Variants in ADI1 observed in about 807,000 individuals in gnomAD.
ADI1 encodes the protein acireductone dioxygenase 1, also known as acireductone dioxygenase.
A neutral mutation model predicts 18.7 loss-of-function variants in ADI1; 21 were observed. The ratio of observed to expected loss-of-function variants is 1.13; its 90% confidence interval spans 0.80 to 1.62. The LOEUF (loss-of-function observed/expected upper bound fraction) is 1.62. Ranked by LOEUF, ADI1 falls within the 40% of genes most tolerant of loss-of-function variation. The pLI is 0.00. For synonymous variants in ADI1, 90 were observed against 100.1 expected (o/e 0.90, Z 0.60); for missense variants, 245 against 254.9 (o/e 0.96, Z 0.26).
Position 3,499,049 on chromosome 2 carries a change from C to A in ADI1, c.454G>T (p.Glu152Ter). The change falls in exon 4 of 4, where the codon GAA (glutamate) becomes TAA (stop). Residue 152 changes from glutamate to a stop codon, truncating the protein, a stop_gained. Coordinates refer to ENST00000327435, the MANE Select transcript of ADI1 (RefSeq NM_018269.4). LOFTEE classifies it low-confidence loss of function (END_TRUNC). ...CGGTTGTACGCTGTCCACACCGGTT[C>A]TCCCACAAACAGCCGCATGGCCTTC... ...YTKAMRLFVGEPVWTAYNRPA... is the reference protein window; with the variant it reads ...YTKAMRLFVG The A allele has an allele frequency of 6.2e-7, 1 of 1,614,142 alleles. No individual in the cohort carries two copies. The highest frequency in any genetic ancestry group is 8.5e-7 in the Non-Finnish European group (1 of 1,179,948).
Position 3,503,290 on chromosome 2 carries a change from CAT to C in ADI1, c.241-2299_241-2298del, listed in dbSNP as rs941606130. ...ACACTCACTCATGTGCATTCACACA[CAT>C]GCACACATACACACTGACACGCACA... On this transcript the variant is annotated intron_variant, in intron 2 of 3. Coordinates refer to ENST00000327435, the MANE Select transcript of ADI1 (RefSeq NM_018269.4). Among the ~76,000 whole-genome samples the C allele has an allele frequency of 3.7e-5, 5 of 136,832 alleles. 1 individual carries two copies. The highest frequency in any genetic ancestry group is 7.5e-5 in the Non-Finnish European group (5 of 66,292). 89.8% of individuals were successfully genotyped at this position (136,832 alleles called of 152,430 possible). A position where few individuals can be genotyped will look rare whatever the true frequency, so the allele number is the denominator to read the frequency against.
chr2:3,517,841 C>CA (rs749571217), intron 1 of ADI1: 3 of 152,008 alleles, frequency 2.0e-5, no homozygotes, highest in African/African-American at 4.8e-5. Context: ...AGCCCTGACT[C>CA]AGAGCAGAAC....
chr2:3,498,999 G>T lies in ADI1; in HGVS notation c.504C>A (p.Arg168=). 1.2e-6 allele frequency: 2 copies of T among 1,613,912 alleles called. No homozygotes were observed. Among genetic ancestry groups the T allele is most frequent in the Non-Finnish European group, 1.7e-6 (2 of 1,179,822 alleles). ...YNRPADHFEA[R]GQYVKFLAQT... ...GTGCCAGAAATTTCACGTACTGCCC[G>T]CGGGCTTCAAAATGGTCAGCGGGCC... The change falls in exon 4 of 4, where the codon CGC becomes CGA. Residue 168 remains arginine (R), a synonymous_variant. Coordinates refer to ENST00000327435, the MANE Select transcript of ADI1 (RefSeq NM_018269.4).
At chr2:3,504,870 T>TATTGTCGGTTCACCTGCGTATGTTTGC (rs1667139659) in intron 2 of ADI1, among the ~76,000 whole-genome samples, 2 of 152,096 alleles carry the variant, frequency 1.3e-5, no homozygotes, top group Non-Finnish European at 2.9e-5. Context: ...CGTATGTTTG[T>TATTGTCGGTTCACCTGCGTATGTTTGC]ATTGTCGGTT....
rs1377685626 is a variant in ADI1 at position 3,498,130 on chromosome 2, T to TA, written c.*832dup. Reference sequence around the variant, plus strand: ...CTAACATGAAGATTTTTCATCCAGTTAAAAAAAGAAATACTTTAAAAACGA... The same window carrying TA: ...CTAACATGAAGATTTTTCATCCAGTTAAAAAAAAGAAATACTTTAAAAACGA... On this transcript the variant is annotated 3_prime_UTR_variant, in exon 4 of 4. Transcript: ENST00000327435. 1 of 152,122 alleles carries TA rather than the reference T, an allele frequency of 6.6e-6. No homozygotes were observed. The highest frequency in any genetic ancestry group is 1.5e-5 in the Non-Finnish European group (1 of 68,024). The allele number at this position is 152,122 out of a possible 1,614,324, so 9.4% of individuals were successfully genotyped here.
At chr2:3,512,965 C>A (rs1667322750) in intron 2 of ADI1, among the ~76,000 whole-genome samples, 2 of 152,242 alleles carry the variant, frequency 1.3e-5, no homozygotes. Flanking sequence ...GGAGCCCATT[C>A]CTTGCACCAG....
At chr2:3,517,837 G>C (rs1667443189) in intron 1 of ADI1, 1 of 152,064 alleles carries the variant, frequency 6.6e-6, no homozygotes, top group Admixed American at 6.5e-5. Context: ...TGATAGCCCT[G>C]ACTCAGAGCA....
intron 1 of ADI1, chr2:3,515,898 T>C (rs1667398861): frequency 5.1e-6 from 5 of 985,384 alleles, no homozygotes; most frequent in Middle Eastern, 5.2e-4. Context: ...GTTCCCCCGA[T>C]ACTCCAGAAC....
chr2:3,515,018 T>G lies in ADI1; in HGVS notation c.121-1042A>C, dbSNP rs1286203257. 5.5e-6 allele frequency: 4 copies of G among 733,104 alleles called. No individual in the cohort carries two copies. The Admixed American group carries it at 1.4e-4, about 25-fold the overall frequency. The allele number at this position is 733,104 out of a possible 1,614,324, so 45.4% of individuals were successfully genotyped here. ...GTATGTCACCTCAGGACCACTGTGA[T>G]AATTGTGTTAACTGTACAAATTGAT... On this transcript the variant is annotated intron_variant, in intron 1 of 3. Coordinates refer to ENST00000327435, the MANE Select transcript of ADI1 (RefSeq NM_018269.4).
At chr2:3,514,948 C>T (rs1014985124) in intron 1 of ADI1, 32 of 1,466,748 alleles carry the variant, frequency 2.2e-5, no homozygotes, top group Middle Eastern at 2.5e-4. Context: ...ATTTATTATG[C>T]CTGTCTTTAA....
intron 1 of ADI1, chr2:3,516,838 A>C: frequency 1.0e-6 from 1 of 985,324 alleles, no homozygotes; most frequent in Non-Finnish European, 1.2e-6. Context: ...ACATGTCCAC[A>C]TGTGTTACCT....
Position 3,503,458 on chromosome 2 carries a change from TAC to T in ADI1, c.241-2467_241-2466del, listed in dbSNP as rs1161966998. On this transcript the variant is annotated intron_variant, in intron 2 of 3. Transcript: ENST00000327435. The stretch of plus-strand genomic sequence containing the variant: ...TCACACTCATGCACACATACGGACG[TAC>T]ACTCACACGTGTGCATTCACACTCA... Among the ~76,000 whole-genome samples the T allele has an allele frequency of 3.4e-5, 5 of 145,406 alleles. 1 individual carries two copies. The highest frequency in any genetic ancestry group is 7.5e-5 in the Non-Finnish European group (5 of 66,782).
Position 3,519,495 on chromosome 2 carries a change from A to G in ADI1, c.-8T>C, listed in dbSNP as rs776805509. The G allele has an allele frequency of 1.9e-5, 24 of 1,286,564 alleles. No homozygotes were observed. Among genetic ancestry groups the G allele is most frequent in the Non-Finnish European group, 2.4e-5 (24 of 1,014,272 alleles). The allele number at this position is 1,286,564 out of a possible 1,614,324, so 79.7% of individuals were successfully genotyped here. ...ATACCAGGCCTGCACCATGACGCGC[A>G]GTGCGGGTGCCGTGTTCGAACCCAG... On this transcript the variant is annotated 5_prime_UTR_variant, in exon 1 of 4. Coordinates refer to ENST00000327435, the MANE Select transcript of ADI1 (RefSeq NM_018269.4).
At chr2:3,509,512 T>TA (rs556775816) in intron 2 of ADI1, among the ~76,000 whole-genome samples, 14 of 150,582 alleles carry the variant, frequency 9.3e-5, no homozygotes, top group Middle Eastern at 3.5e-3. Flanking sequence ...TAGAAACAAA[T>TA]AAAAAAATCT....
At chr2:3,513,794 A>G in intron 2 of ADI1, 63 bp downstream of exon 2, 1 of 1,486,524 alleles carries the variant, frequency 6.7e-7, no homozygotes, top group Non-Finnish European at 9.0e-7. Context: ...GAAAGAAAAT[A>G]TTGCGTCTAT....
At chr2:3,502,970 C>A (rs116545558) in intron 2 of ADI1, among the ~76,000 whole-genome samples, 213 of 152,160 alleles carry the variant, frequency 1.4e-3, no homozygotes, top group African/African-American at 4.8e-3. Flanking sequence ...AGGAAAGATA[C>A]AAATACTGAT....
intron 3 of ADI1, among the ~76,000 whole-genome samples, chr2:3,499,659 G>A (rs1666949239): frequency 6.6e-6 from 1 of 152,206 alleles, no homozygotes; most frequent in Non-Finnish European, 1.5e-5. Context: ...TATACTCATT[G>A]TTGGGGGTCA....
At chr2:3,500,092 G>A (rs912383461) in intron 3 of ADI1, among the ~76,000 whole-genome samples, 2 of 151,100 alleles carry the variant, frequency 1.3e-5, no homozygotes, top group Non-Finnish European at 2.9e-5. Flanking sequence ...AAAGAATCCT[G>A]ACTGACATGC....
At chr2:3,508,541 T>C (rs1667227899) in intron 2 of ADI1, among the ~76,000 whole-genome samples, 1 of 151,934 alleles carries the variant, frequency 6.6e-6, no homozygotes, top group African/African-American at 2.4e-5. Context: ...AAGCCCTCTC[T>C]AAATAAAAAG....
Sources: gnomAD v4.1 joint callset for allele counts (sites outside exome capture counted in the v4.1 genomes callset) on GRCh38, gnomAD v4.1.1 for gene constraint, MANE v1.5 for transcripts, NCBI Gene and HGNC (gene_info 2026-07-23, HGNC 2026-07-21) for gene names.